Variants in SLC1A1 observed in about 807,000 individuals in gnomAD.
SLC1A1 encodes excitatory amino acid transporter 3.
In SLC1A1, 43 loss-of-function variants were observed where a neutral mutation model predicts 53.3. The ratio of observed to expected loss-of-function variants is 0.81; its 90% confidence interval spans 0.63 to 1.04. The LOEUF (loss-of-function observed/expected upper bound fraction) is 1.04, where lower values mean the gene tolerates loss of function less well. SLC1A1 is among the 50% of genes least tolerant of loss of function. The pLI is 0.00. For synonymous variants in SLC1A1, 307 were observed against 243.2 expected, an observed-to-expected ratio of 1.26 and a Z score of -2.44; for missense variants, 748 against 664.9, an observed-to-expected ratio of 1.12 and a Z score of -1.37.
At chr9:4,502,015 A>G (rs1049654729) in intron 1 of SLC1A1, among the ~76,000 whole-genome samples, 30 of 151,724 alleles carry the variant, frequency 2.0e-4, no homozygotes, top group Admixed American at 1.8e-3. Flanking sequence ...ACTGGAAAAT[A>G]AACTGATACT....
At chr9:4,574,067 G>T in intron 8 of SLC1A1, 53 bp downstream of exon 8, 2 of 1,201,348 alleles carry the variant, frequency 1.7e-6, no homozygotes, top group Non-Finnish European at 2.5e-6. Flanking sequence ...TAATAGGATG[G>T]CCGCTGAGAG....
At chr9:4,526,988 AT>A (rs1269984454) in intron 1 of SLC1A1, among the ~76,000 whole-genome samples, 1 of 152,182 alleles carries the variant, frequency 6.6e-6, no homozygotes, top group African/African-American at 2.4e-5. Flanking sequence ...TTTTGAGTTA[AT>A]CAAAACAGAT....
intron 2 of SLC1A1, among the ~76,000 whole-genome samples, chr9:4,547,140 G>T (rs955453068): frequency 6.6e-6 from 1 of 151,970 alleles, no homozygotes; most frequent in Admixed American, 6.6e-5. Context: ...TTTTGGTTTG[G>T]TTTTTTTTCT....
intron 1 of SLC1A1, among the ~76,000 whole-genome samples, chr9:4,513,530 C>CT (rs1821064182): frequency 1.3e-5 from 2 of 151,916 alleles, no homozygotes; most frequent in African/African-American, 4.8e-5. Context: ...ATTAGAGTGG[C>CT]TAAAAAAAAA....
chr9:4,577,131 G>T (rs1258877553), intron 10 of SLC1A1, among the ~76,000 whole-genome samples: 6 of 152,172 alleles, frequency 3.9e-5, no homozygotes, highest in African/African-American at 1.4e-4. Context: ...AACTCTGTAT[G>T]GTGTTCACAG....
intron 1 of SLC1A1, among the ~76,000 whole-genome samples, chr9:4,495,506 G>T (rs117937221): frequency 2.0e-5 from 3 of 152,150 alleles, no homozygotes; most frequent in Admixed American, 6.6e-5. Context: ...GGGCTGGCAA[G>T]GTGGGGGGTT....
intron 1 of SLC1A1, among the ~76,000 whole-genome samples, chr9:4,511,566 T>TAC (rs113277990): frequency 0.15 from 22,048 of 146,120 alleles, 1,963 homozygotes; most frequent in African/African-American, 0.27. Flanking sequence ...TTAAGAATTC[T>TAC]ACACACACAC....
intron 1 of SLC1A1, among the ~76,000 whole-genome samples, chr9:4,523,178 G>C (rs1276366375): frequency 6.6e-6 from 1 of 152,098 alleles, no homozygotes; most frequent in African/African-American, 2.4e-5. Flanking sequence ...ATCTATGATT[G>C]ACTCTCATTA....
intron 1 of SLC1A1, among the ~76,000 whole-genome samples, chr9:4,511,618 T>C (rs979127654): frequency 6.7e-6 from 1 of 148,566 alleles, no homozygotes; most frequent in East Asian, 1.9e-4. Flanking sequence ...CACTACAGCT[T>C]ATATTTAATG....
chr9:4,508,978 T>C (rs181599105), intron 1 of SLC1A1, among the ~76,000 whole-genome samples: 358 of 152,006 alleles, frequency 2.4e-3, no homozygotes, highest in African/African-American at 8.3e-3. Context: ...GAGGGGGTAA[T>C]AGAAATTCAG....
At chr9:4,491,203 TC>T (rs1193308793) in intron 1 of SLC1A1, among the ~76,000 whole-genome samples, 1 of 152,168 alleles carries the variant, frequency 6.6e-6, no homozygotes, top group Non-Finnish European at 1.5e-5. Context: ...GGATTACAGT[TC>T]TCAGTCGAAT....
chr9:4,549,812 C>CTG lies in SLC1A1; in HGVS notation c.232+5105_232+5106insTG, dbSNP rs1817781810. 7.2e-5 allele frequency among the ~76,000 whole-genome samples: 11 copies of CTG among 152,276 alleles called. No homozygotes were observed. The South Asian group carries it at 2.3e-3, about 32-fold the overall frequency. On this transcript the variant is annotated intron_variant, in intron 2 of 11. Transcript: ENST00000262352. The surrounding 1 kb of genome is among the most constrained non-coding windows in gnomAD (Gnocchi z 4.1). The stretch of plus-strand genomic sequence containing the variant: ...GTACCTGCTGGGTTATTGCAACCAC[C>CTG]CTGCTTGTAGAACCTGGGAGTCTGT...
Position 4,564,355 on chromosome 9 carries a change from G to A in SLC1A1, c.337G>A (p.Val113Met), listed in dbSNP as rs1819280124. ...GTTCTTGGCCACAGGTATTGTGCTG[G>A]TGGTGAGCATCAAGCCTGGTGTCAC... is the stretch of plus-strand genomic sequence containing the variant. ...LIAVILGIVL[V>M]VSIKPGVTQK... is the part of the protein sequence containing the mutation. Residue 113 changes from valine to methionine, a missense_variant, in exon 4 of 12, where the codon GTG becomes ATG. Coordinates refer to ENST00000262352, the MANE Select transcript of SLC1A1 (RefSeq NM_004170.6). 6.2e-7 allele frequency: 1 copy of A among 1,612,736 alleles called. No individual in the cohort carries two copies. The highest frequency in any genetic ancestry group is 8.5e-7 in the Non-Finnish European group (1 of 1,179,210).
rs1231625910 is a variant in SLC1A1 at position 4,586,384 on chromosome 9, T to C, written c.*826T>C. 6.6e-6 allele frequency: 1 copy of C among 152,152 alleles called. No homozygotes were observed. The highest frequency in any genetic ancestry group is 1.5e-5 in the Non-Finnish European group (1 of 68,032). The allele number at this position is 152,152 out of a possible 1,614,324, so 9.4% of individuals were successfully genotyped here. On this transcript the variant is annotated 3_prime_UTR_variant, in exon 12 of 12. Coordinates refer to ENST00000262352, the MANE Select transcript of SLC1A1 (RefSeq NM_004170.6). Reference sequence around the variant, plus strand: ...ATCAGAACTCCTTTCTAAGGAGCACTAGAATGAGAAATCATGTTGTTCGAT... The same window carrying C: ...ATCAGAACTCCTTTCTAAGGAGCACCAGAATGAGAAATCATGTTGTTCGAT...
At chr9:4,534,886 TGCAAG>T (rs1564014029) in intron 1 of SLC1A1, among the ~76,000 whole-genome samples, 1 of 152,178 alleles carries the variant, frequency 6.6e-6, no homozygotes, top group Non-Finnish European at 1.5e-5. Context: ...ATCCCTGGGA[TGCAAG>T]GCTGGTTCAA....
chr9:4,538,090 A>C (rs971313785), intron 1 of SLC1A1, among the ~76,000 whole-genome samples: 1 of 152,208 alleles, frequency 6.6e-6, no homozygotes, highest in East Asian at 1.9e-4. Flanking sequence ...GTATGTGTTT[A>C]GTATATCTGA....
chr9:4,537,728 T>A (rs1426258536), intron 1 of SLC1A1, among the ~76,000 whole-genome samples: 1 of 151,832 alleles, frequency 6.6e-6, no homozygotes, highest in Non-Finnish European at 1.5e-5. Flanking sequence ...GGCAAATCCA[T>A]AGAGACAGAA....
intron 1 of SLC1A1, among the ~76,000 whole-genome samples, chr9:4,528,226 A>G (rs1009752871): frequency 6.6e-6 from 1 of 152,186 alleles, no homozygotes; most frequent in Non-Finnish European, 1.5e-5. Context: ...TCTCACAAGA[A>G]GATACTTCCT....
intron 1 of SLC1A1, among the ~76,000 whole-genome samples, chr9:4,492,702 G>A (rs1049078976): frequency 6.6e-6 from 1 of 152,036 alleles, no homozygotes; most frequent in African/African-American, 2.4e-5. Flanking sequence ...GACTGAGGTG[G>A]GAGGATCACC....
Sources: gnomAD v4.1 joint callset for allele counts (sites outside exome capture counted in the v4.1 genomes callset) on GRCh38, gnomAD v4.1.1 for gene constraint, Gnocchi (gnomAD v3.1) non-coding constraint, MANE v1.5 for transcripts, NCBI Gene and HGNC (gene_info 2026-07-23, HGNC 2026-07-21) for gene names.